PTPRA: variants seen among roughly 807,000 people sequenced by gnomAD.
PTPRA encodes the protein protein tyrosine phosphatase receptor type A, also known as receptor-type tyrosine-protein phosphatase alpha.
In PTPRA, 25 loss-of-function variants were observed where a neutral mutation model predicts 104.8. The ratio of observed to expected loss-of-function variants is 0.24; its 90% confidence interval spans 0.17 to 0.33. PTPRA has a LOEUF of 0.33. Ranked by LOEUF, PTPRA falls within the 10% of genes least tolerant of loss-of-function variation. The pLI, the probability that PTPRA is intolerant of heterozygous loss-of-function variation, is 1.00. For missense variants in PTPRA, 765 were observed against 1,015.3 expected, an observed-to-expected ratio of 0.75 and a Z score of 3.35; for synonymous variants, 323 against 368.9, an observed-to-expected ratio of 0.88 and a Z score of 1.43.
In PTPRA at chr20:2,950,538, A is replaced by G. The variant is rs1003845883; in HGVS notation, c.-7+2514A>G. Among the ~76,000 whole-genome samples, 2 of 151,664 alleles carry G rather than the reference A, an allele frequency of 1.3e-5. No individual in the cohort carries two copies. The highest frequency in any genetic ancestry group is 2.4e-5 in the African/African-American group (1 of 41,284). On this transcript the variant is annotated intron_variant, in intron 3 of 23. Transcript: ENST00000399903. The surrounding 1 kb of genome is among the most constrained non-coding windows in gnomAD (Gnocchi z 4.0). ...GGCACCTGTAGTCCCAGCTACTCAG[A>G]AGGCTGAGGCAGGAGAATGGCGTGA...
At chr20:2,999,331 G>GT (rs2063533476) in intron 9 of PTPRA, among the ~76,000 whole-genome samples, 1 of 152,056 alleles carries the variant, frequency 6.6e-6, no homozygotes, top group South Asian at 2.1e-4. Context: ...ATCCCAACAG[G>GT]TTTTTTTGTG....
upstream of PTPRA, among the ~76,000 whole-genome samples, chr20:2,871,813 G>A (rs780617266): frequency 3.9e-5 from 6 of 152,238 alleles, no homozygotes; most frequent in Non-Finnish European, 8.8e-5. Context: ...GAGAGTAGGC[G>A]TGTGGACTCT....
intron 6 of PTPRA, 73 bp downstream of exon 6, chr20:2,975,314 G>A: frequency 1.5e-6 from 2 of 1,347,542 alleles, no homozygotes; most frequent in Non-Finnish European, 2.0e-6. Flanking sequence ...TCTGCTCACA[G>A]TCTGTGGTAA....
intron 5 of PTPRA, among the ~76,000 whole-genome samples, chr20:2,969,537 G>A (rs943909579): frequency 2.0e-5 from 3 of 151,348 alleles, no homozygotes; most frequent in Admixed American, 6.6e-5. Flanking sequence ...GAGCCACTGC[G>A]CCCAGCCTAG....
At chr20:2,912,253 C>T (rs1481689163) in intron 1 of PTPRA, among the ~76,000 whole-genome samples, 4 of 145,094 alleles carry the variant, frequency 2.8e-5, no homozygotes, top group Non-Finnish European at 6.1e-5. Flanking sequence ...TCTCAAAAAA[C>T]AAATTTTGAA....
rs1321043998 is a variant in PTPRA, at chr20:2,883,477, C to G, written c.-129+9717C>G. Among the ~76,000 whole-genome samples, 38 of 39,560 alleles carry G rather than the reference C, an allele frequency of 9.6e-4. 11 individuals are homozygous for G. The highest frequency in any genetic ancestry group is 1.6e-3 in the African/African-American group (6 of 3,710). The allele number at this position is 39,560 out of a possible 152,430, so 26.0% of individuals were successfully genotyped here. On this transcript the variant is annotated intron_variant, in intron 1 of 23. Transcript: ENST00000399903. Reference sequence around the variant, plus strand: ...ACCATCCTGGCTAACACGGTGAAACCCCGTCTCCACTAAAAATACAAAAAA... The same window carrying G: ...ACCATCCTGGCTAACACGGTGAAACGCCGTCTCCACTAAAAATACAAAAAA...
At chr20:2,952,584 T>C (rs1236960499) in intron 3 of PTPRA, among the ~76,000 whole-genome samples, 1 of 152,184 alleles carries the variant, frequency 6.6e-6, no homozygotes, top group Non-Finnish European at 1.5e-5. Flanking sequence ...AATTTAACAT[T>C]TTAACTCTTT....
intron 1 of PTPRA, among the ~76,000 whole-genome samples, chr20:2,910,130 T>A (rs2059616673): frequency 8.6e-6 from 1 of 116,508 alleles, no homozygotes; most frequent in Non-Finnish European, 1.6e-5. Flanking sequence ...ATAGTATATA[T>A]GATATATAAC....
intron 3 of PTPRA, among the ~76,000 whole-genome samples, chr20:2,953,363 T>C (rs978492163): frequency 1.3e-5 from 2 of 152,104 alleles, no homozygotes; most frequent in Non-Finnish European, 2.9e-5. Flanking sequence ...CAAGCGATTC[T>C]CCTGCCTCAG....
rs535213354 is a variant in PTPRA at position 2,914,702 on chromosome 20, G to T, written c.-128-8505G>T. On this transcript the variant is annotated intron_variant, in intron 1 of 23. Coordinates refer to ENST00000399903, the MANE Select transcript of PTPRA (RefSeq NM_001385305.1). ...CTAACCTTGCTCAGCCCCACCTAAT[G>T]GTTTTTAGACTGAATTATTTGGAGA... Among the ~76,000 whole-genome samples, 8 of 152,112 alleles carry T rather than the reference G, an allele frequency of 5.3e-5. No individual in the cohort carries two copies. The South Asian group carries it at 1.7e-3, about 32-fold the overall frequency.
At chr20:2,935,766 G>A (rs1352275828) in intron 2 of PTPRA, among the ~76,000 whole-genome samples, 1 of 152,154 alleles carries the variant, frequency 6.6e-6, no homozygotes, top group African/African-American at 2.4e-5. Context: ...TGTAATCCCA[G>A]CAATTTGGGA....
At chr20:2,983,586 AAG>A (rs1270960513) in intron 6 of PTPRA, among the ~76,000 whole-genome samples, 1 of 150,490 alleles carries the variant, frequency 6.6e-6, no homozygotes, top group East Asian at 2.0e-4. Flanking sequence ...AAAAAAAAAA[AAG>A]GCAGACAGAT....
At chr20:2,989,310 G>A (rs1210358006) in intron 9 of PTPRA, among the ~76,000 whole-genome samples, 5 of 152,058 alleles carry the variant, frequency 3.3e-5, no homozygotes, top group African/African-American at 1.2e-4. Context: ...GCATGTGCCT[G>A]TAGTCCCAGC....
chr20:3,030,676 C>CTTTTTTTTTTT (rs1180681994), intron 20 of PTPRA, among the ~76,000 whole-genome samples: 2 of 67,732 alleles, frequency 3.0e-5, no homozygotes, highest in East Asian at 5.1e-4. Context: ...TCTCCCTCTG[C>CTTTTTTTTTTT]TTTTTTTTTT....
At chr20:2,904,995 G>A (rs1484572461) in intron 1 of PTPRA, among the ~76,000 whole-genome samples, 1 of 152,130 alleles carries the variant, frequency 6.6e-6, no homozygotes, top group Non-Finnish European at 1.5e-5. Flanking sequence ...TAGGAACTGG[G>A]CCACACAGCA....
chr20:2,944,811 T>C (rs1409497140), intron 2 of PTPRA, among the ~76,000 whole-genome samples: 4 of 152,204 alleles, frequency 2.6e-5, no homozygotes, highest in Non-Finnish European at 5.9e-5. Flanking sequence ...ATTTCACTAT[T>C]GTGTATCTAG....
At chr20:2,917,455 A>G (rs963120583) in intron 1 of PTPRA, among the ~76,000 whole-genome samples, 2 of 151,800 alleles carry the variant, frequency 1.3e-5, no homozygotes, top group Non-Finnish European at 2.9e-5. Context: ...CTCCCTTGTT[A>G]TTCAAAAGTC....
intron 2 of PTPRA, among the ~76,000 whole-genome samples, chr20:2,935,741 G>C (rs1238405596): frequency 6.6e-6 from 1 of 152,102 alleles, no homozygotes; most frequent in East Asian, 1.9e-4. Flanking sequence ...GAGTCCAGGT[G>C]TGGTGGCTCA....
chr20:3,007,926 A>G (rs556688469), intron 11 of PTPRA, among the ~76,000 whole-genome samples: 95 of 152,274 alleles, frequency 6.2e-4, no homozygotes, highest in Non-Finnish European at 1.2e-3. Context: ...GTTTTTAAAG[A>G]TGATTTAGAG....
Sources: gnomAD v4.1 joint callset for allele counts (sites outside exome capture counted in the v4.1 genomes callset) on GRCh38, gnomAD v4.1.1 for gene constraint, Gnocchi (gnomAD v3.1) non-coding constraint, MANE v1.5 for transcripts, NCBI Gene and HGNC (gene_info 2026-07-23, HGNC 2026-07-21) for gene names.